FGF14: variants seen among roughly 807,000 people sequenced by gnomAD.
FGF14 encodes the protein fibroblast growth factor 14.
Under a neutral mutation model 25.5 loss-of-function variants are expected in FGF14, and 5 were observed. That is an observed-to-expected ratio of 0.20 (90% CI 0.10 to 0.41). The LOEUF (loss-of-function observed/expected upper bound fraction) is 0.41, where lower values mean the gene tolerates loss of function less well. FGF14 is among the 10% of genes least tolerant of loss of function. The probability of loss-of-function intolerance (pLI) is 1.00; values close to 1 mark genes in which losing one functional copy is unlikely to be tolerated. For synonymous variants in FGF14, 138 were observed against 118.3 expected, an observed-to-expected ratio of 1.17 and a Z score of -1.08; for missense variants, 222 against 320.1, an observed-to-expected ratio of 0.69 and a Z score of 2.34.
intron 1 of FGF14, among the ~76,000 whole-genome samples, chr13:102,192,034 G>A (rs1470077926): frequency 6.6e-6 from 1 of 152,158 alleles, no homozygotes; most frequent in Non-Finnish European, 1.5e-5. Context: ...CAGGGATAGT[G>A]GATCCTGCCT....
At chr13:102,198,561 A>T (rs976873074) in intron 1 of FGF14, among the ~76,000 whole-genome samples, 1 of 152,132 alleles carries the variant, frequency 6.6e-6, no homozygotes, top group Admixed American at 6.5e-5. Context: ...TTTATGGGAA[A>T]ATTGAACGGA....
intron 3 of FGF14, among the ~76,000 whole-genome samples, chr13:101,860,916 T>C (rs937305790): frequency 1.3e-5 from 2 of 152,128 alleles, no homozygotes; most frequent in Non-Finnish European, 2.9e-5. Context: ...CTTCATATAT[T>C]ATTAGCATCA....
chr13:102,029,304 A>C (rs571284892), intron 1 of FGF14, among the ~76,000 whole-genome samples: 1 of 152,188 alleles, frequency 6.6e-6, no homozygotes, highest in Non-Finnish European at 1.5e-5. Flanking sequence ...TTATAATAAT[A>C]TAACTTAGGA....
chr13:102,027,786 G>A (rs2041007027), intron 1 of FGF14, among the ~76,000 whole-genome samples: 1 of 151,856 alleles, frequency 6.6e-6, no homozygotes, highest in Admixed American at 6.6e-5. Flanking sequence ...GCTTGACTGG[G>A]GCTGATGGGT....
intron 1 of FGF14, among the ~76,000 whole-genome samples, chr13:102,091,315 C>A (rs891753634): frequency 1.1e-4 from 17 of 152,226 alleles, no homozygotes; most frequent in South Asian, 2.1e-4. Flanking sequence ...TGCCAAGATT[C>A]TCTCTGTTAG....
intron 3 of FGF14, among the ~76,000 whole-genome samples, chr13:101,853,187 A>G (rs900931720): frequency 2.6e-5 from 4 of 152,018 alleles, no homozygotes; most frequent in Admixed American, 1.3e-4. Context: ...AGGATACCCA[A>G]TCTTGGCCCG....
At chr13:102,134,442 A>G (rs547109839) in intron 1 of FGF14, among the ~76,000 whole-genome samples, 1 of 152,372 alleles carries the variant, frequency 6.6e-6, no homozygotes, top group Non-Finnish European at 1.5e-5. Flanking sequence ...GCAGCCCCAT[A>G]CAGGCAAGCA....
At chr13:102,259,430 T>A (rs966836144) in intron 1 of FGF14, among the ~76,000 whole-genome samples, 5 of 152,312 alleles carry the variant, frequency 3.3e-5, no homozygotes, top group African/African-American at 1.2e-4. Context: ...CCATCCAACA[T>A]CTCTTCCCTT....
chr13:102,161,627 AGAAGAAG>A (rs2047705712), intron 1 of FGF14, among the ~76,000 whole-genome samples: 2 of 20,846 alleles, frequency 9.6e-5, no homozygotes, highest in Admixed American at 5.2e-4. Flanking sequence ...AAGAAGAAGA[AGAAGAAG>A]AAGAAGAAGA....
chr13:101,973,879 G>T (rs565585990), intron 1 of FGF14, among the ~76,000 whole-genome samples: 29 of 152,252 alleles, frequency 1.9e-4, no homozygotes, highest in Admixed American at 1.7e-3. Flanking sequence ...TCACAATGAA[G>T]AAACCCCAAT....
At chr13:102,108,472 A>T (rs1411074858) in intron 1 of FGF14, among the ~76,000 whole-genome samples, 1 of 152,202 alleles carries the variant, frequency 6.6e-6, no homozygotes, top group African/African-American at 2.4e-5. Flanking sequence ...TTAAAAAGTC[A>T]AATCTAGAAT....
intron 1 of FGF14, among the ~76,000 whole-genome samples, chr13:102,054,689 T>C (rs2042355624): frequency 6.6e-6 from 1 of 152,204 alleles, no homozygotes; most frequent in Non-Finnish European, 1.5e-5. Context: ...ACATCGCATC[T>C]GGATGTCTAA....
At chr13:101,985,117 A>G (rs1161365017) in intron 1 of FGF14, among the ~76,000 whole-genome samples, 2 of 147,932 alleles carry the variant, frequency 1.4e-5, no homozygotes, top group Non-Finnish European at 3.0e-5. Context: ...ACAAAAAATT[A>G]TCTCAGAAAT....
intron 3 of FGF14, among the ~76,000 whole-genome samples, chr13:101,798,723 C>T (rs2040701398): frequency 6.6e-6 from 1 of 151,978 alleles, no homozygotes; most frequent in African/African-American, 2.4e-5. Flanking sequence ...GTTGCATTTG[C>T]CTGTGTCTAA....
intron 1 of FGF14, among the ~76,000 whole-genome samples, chr13:102,220,337 A>G (rs574722266): frequency 1.3e-5 from 2 of 152,314 alleles, no homozygotes; most frequent in African/African-American, 4.8e-5. Flanking sequence ...ATAGATTCCA[A>G]AGAAAAAATT....
At chr13:102,248,031 C>T (rs970416564) in intron 1 of FGF14, among the ~76,000 whole-genome samples, 2 of 152,014 alleles carry the variant, frequency 1.3e-5, no homozygotes, top group South Asian at 2.1e-4. Context: ...GAAGTGGGAA[C>T]TAAATGACGA....
intron 3 of FGF14, chr13:101,802,129 G>A (rs925996965): frequency 3.3e-5 from 8 of 241,810 alleles, no homozygotes; most frequent in African/African-American, 1.4e-4. Context: ...TCAGGGAGGC[G>A]AGAAGATGTC....
At chr13:101,907,392 G>T (rs1265236349) in intron 1 of FGF14, among the ~76,000 whole-genome samples, 1 of 152,018 alleles carries the variant, frequency 6.6e-6, no homozygotes. Context: ...GTACTGGTTG[G>T]GTAAATGGTA....
At chr13:102,378,770 C>G (rs553867764) in intron 1 of FGF14, among the ~76,000 whole-genome samples, 1 of 151,870 alleles carries the variant, frequency 6.6e-6, no homozygotes, top group Non-Finnish European at 1.5e-5. Flanking sequence ...ATCTTTAACT[C>G]CAAAGTTCAT....
Sources: allele counts gnomAD v4.1 joint callset (sites outside exome capture counted in the v4.1 genomes callset), GRCh38; gene constraint gnomAD v4.1.1; transcripts MANE v1.5; gene names NCBI Gene and HGNC (gene_info 2026-07-23, HGNC 2026-07-21).